Variants in HMGB1 observed in about 807,000 individuals in gnomAD.
HMGB1 encodes the protein high mobility group box 1, also known as high mobility group protein B1.
For missense variants in HMGB1, 79 were observed against 253.5 expected, an observed-to-expected ratio of 0.31 and a Z score of 4.67; for synonymous variants, 81 against 84.0, an observed-to-expected ratio of 0.96 and a Z score of 0.19.
At chr13:30,464,658 G>T in intron 1 of HMGB1, 1 of 983,014 alleles carries the variant, frequency 1.0e-6, no homozygotes, top group Non-Finnish European at 1.2e-6. Context: ...CTCCGCCCGC[G>T]GCCGCCGGGG....
chr13:30,590,757 A>G (rs942134320), intron 1 of HMGB1, among the ~76,000 whole-genome samples: 1 of 152,176 alleles, frequency 6.6e-6, no homozygotes, highest in African/African-American at 2.4e-5. Context: ...GCCCTCATGA[A>G]TAGGATGAGC....
upstream of HMGB1, among the ~76,000 whole-genome samples, chr13:30,466,694 A>G (rs946539214): frequency 1.3e-5 from 2 of 152,230 alleles, no homozygotes; most frequent in Admixed American, 1.3e-4. Flanking sequence ...TTATTTAAAT[A>G]CAAAGCACTG....
chr13:30,575,723 T>C (rs1208776358), intron 1 of HMGB1, among the ~76,000 whole-genome samples: 1 of 152,140 alleles, frequency 6.6e-6, no homozygotes, highest in Non-Finnish European at 1.5e-5. Flanking sequence ...GGTTAGTCAA[T>C]GATAGGAAAA....
intron 1 of HMGB1, chr13:30,464,241 C>G (rs1886559249): frequency 2.2e-5 from 22 of 985,372 alleles, no homozygotes; most frequent in Non-Finnish European, 2.5e-5. Flanking sequence ...CTCCGGTGCT[C>G]GGAACCCGGT....
intron 1 of HMGB1, among the ~76,000 whole-genome samples, chr13:30,585,582 G>T (rs190923094): frequency 7.9e-5 from 12 of 152,122 alleles, no homozygotes; most frequent in Admixed American, 7.2e-4. Flanking sequence ...GGAGGCTGAG[G>T]GGGGAGAATC....
chr13:30,470,115 A>G (rs1886886280), upstream of HMGB1, among the ~76,000 whole-genome samples: 1 of 150,904 alleles, frequency 6.6e-6, no homozygotes, highest in South Asian at 2.1e-4. Flanking sequence ...GGGTCTCTCC[A>G]TGTTGCTCAG....
chr13:30,593,735 A>T (rs1218081500), intron 1 of HMGB1, among the ~76,000 whole-genome samples: 2 of 152,244 alleles, frequency 1.3e-5, no homozygotes, highest in South Asian at 4.1e-4. Context: ...ATTTAAAAAG[A>T]TATCTACAAC....
At chr13:30,560,175 A>G (rs1275662210) in intron 1 of HMGB1, among the ~76,000 whole-genome samples, 1 of 152,106 alleles carries the variant, frequency 6.6e-6, no homozygotes, top group Non-Finnish European at 1.5e-5. Context: ...AGAAAAGAGG[A>G]CACCCCCAAA....
intron 1 of HMGB1, among the ~76,000 whole-genome samples, chr13:30,609,118 C>G (rs2137572685): frequency 6.6e-6 from 1 of 152,254 alleles, no homozygotes; most frequent in South Asian, 2.1e-4. Context: ...AAAAAATTAG[C>G]CCGGCGTAGT....
At chr13:30,537,168 T>A (rs982915403) in intron 1 of HMGB1, among the ~76,000 whole-genome samples, 1 of 152,194 alleles carries the variant, frequency 6.6e-6, no homozygotes, top group Non-Finnish European at 1.5e-5. Flanking sequence ...GCATTTCTCC[T>A]TTTTTGTTTA....
intron 1 of HMGB1, chr13:30,463,993 A>T: frequency 1.9e-6 from 1 of 534,396 alleles, no homozygotes; most frequent in Non-Finnish European, 2.5e-6. Context: ...ATGAGTATCT[A>T]ACTGGTCACT....
chr13:30,478,875 T>TA (rs1361929451), intron 1 of HMGB1, among the ~76,000 whole-genome samples: 1 of 148,994 alleles, frequency 6.7e-6, no homozygotes, highest in African/African-American at 2.4e-5. Flanking sequence ...TCTTTTCTTT[T>TA]TTTTTTTTTT....
chr13:30,573,569 T>C (rs932962164), intron 1 of HMGB1, among the ~76,000 whole-genome samples: 1 of 152,112 alleles, frequency 6.6e-6, no homozygotes, highest in African/African-American at 2.4e-5. Flanking sequence ...AAATTGGAAA[T>C]TATTCAAAAC....
At chr13:30,574,365 A>C (rs1248624138) in intron 1 of HMGB1, among the ~76,000 whole-genome samples, 1 of 152,192 alleles carries the variant, frequency 6.6e-6, no homozygotes, top group African/African-American at 2.4e-5. Flanking sequence ...CCACTGCTGG[A>C]AGGCTCATCT....
chr13:30,515,634 G>T lies in HMGB1; in HGVS notation c.-14-51940C>A, dbSNP rs1451573244. Among the ~76,000 whole-genome samples, 4 of 146,728 alleles carry T rather than the reference G, an allele frequency of 2.7e-5. No individual in the cohort carries two copies. In the East Asian group the frequency reaches 8.1e-4, roughly 30 times the overall value. Reference sequence around the variant, plus strand: ...CAACATTAAAAACTATTTTAACAAAGATTTTAATTTGAACAATATCTGTCA... The same window carrying T: ...CAACATTAAAAACTATTTTAACAAATATTTTAATTTGAACAATATCTGTCA... On this transcript the variant is annotated intron_variant, in intron 1 of 4. Transcript: ENST00000405805.
intron 1 of HMGB1, among the ~76,000 whole-genome samples, chr13:30,555,248 C>CTCCA: frequency 6.6e-6 from 1 of 151,648 alleles, no homozygotes; most frequent in South Asian, 2.1e-4. Context: ...TCACCGTGTT[C>CTCCA]GCCAGGATGG....
At chr13:30,519,473 A>T (rs1888183239) in intron 1 of HMGB1, among the ~76,000 whole-genome samples, 1 of 151,374 alleles carries the variant, frequency 6.6e-6, no homozygotes, top group African/African-American at 2.4e-5. Flanking sequence ...AGGTGGGCGG[A>T]TCACGAGGTC....
chr13:30,472,507 A>G (rs963285108), intron 1 of HMGB1, among the ~76,000 whole-genome samples: 6 of 152,208 alleles, frequency 3.9e-5, no homozygotes, highest in Admixed American at 3.9e-4. Context: ...AGGCTGAGGC[A>G]TGAGAATCGC....
chr13:30,527,124 G>C (rs1311230610), intron 1 of HMGB1, among the ~76,000 whole-genome samples: 1 of 152,222 alleles, frequency 6.6e-6, no homozygotes, highest in Non-Finnish European at 1.5e-5. Context: ...CGCAGCGGCT[G>C]TGCATCCGGT....
Sources: allele counts gnomAD v4.1 joint callset (sites outside exome capture counted in the v4.1 genomes callset), GRCh38; gene constraint gnomAD v4.1.1; transcripts MANE v1.5; gene names NCBI Gene and HGNC (gene_info 2026-07-23, HGNC 2026-07-21).